Variants in GALNTL6 observed in about 807,000 individuals in gnomAD.
The protein encoded by GALNTL6 is polypeptide N-acetylgalactosaminyltransferase-like 6.
A neutral mutation model predicts 73.7 loss-of-function variants in GALNTL6; 46 were observed. The observed-to-expected ratio is 0.62, with a 90% CI of 0.49 to 0.80. The LOEUF (loss-of-function observed/expected upper bound fraction) is 0.80, where lower values mean the gene tolerates loss of function less well. Among genes scored for constraint, GALNTL6 ranks in the 30% least tolerant of loss-of-function variants. GALNTL6 has a pLI of 0.00. For synonymous variants in GALNTL6, 259 were observed against 263.7 expected, an observed-to-expected ratio of 0.98 and a Z score of 0.17; for missense variants, 604 against 755.0, an observed-to-expected ratio of 0.80 and a Z score of 2.34.
chr4:172,181,805 T>C (rs1735253807), intron 2 of GALNTL6, among the ~76,000 whole-genome samples: 1 of 147,650 alleles, frequency 6.8e-6, no homozygotes, highest in Non-Finnish European at 1.5e-5. Context: ...CAGCCTCCAC[T>C]CCTGGGTTCA....
rs141390052 is a variant in GALNTL6 at position 172,611,636 on chromosome 4, T to G, written c.554-197725T>G. 3.8e-3 allele frequency among the ~76,000 whole-genome samples: 577 copies of G among 152,130 alleles called. 4 individuals carry two copies. The highest frequency in any genetic ancestry group is 5.7e-3 in the Non-Finnish European group (390 of 67,964). ...TTCATGTTGACCTTGAGGAATCTGA[T>G]GACTATGTATCCTGAGGCTGGTCAT... is the stretch of plus-strand genomic sequence containing the variant. On this transcript the variant is annotated intron_variant, in intron 5 of 12. Transcript: ENST00000506823.
intron 2 of GALNTL6, among the ~76,000 whole-genome samples, chr4:171,909,064 C>G (rs1174831225): frequency 2.7e-5 from 4 of 149,934 alleles, no homozygotes; most frequent in African/African-American, 9.9e-5. Flanking sequence ...TTAGTGGGTG[C>G]AGCGCACCAG....
chr4:172,432,884 A>G (rs2111385866), intron 5 of GALNTL6, among the ~76,000 whole-genome samples: 1 of 152,302 alleles, frequency 6.6e-6, no homozygotes, highest in East Asian at 1.9e-4. Context: ...GGATAGCTTT[A>G]CAATACTATC....
rs749363826 is a variant in GALNTL6 at position 173,009,166 on chromosome 4, T to A, written c.1372-12T>A. The A allele has an allele frequency of 1.9e-6, 3 of 1,599,032 alleles. No homozygotes were observed. The highest frequency in any genetic ancestry group is 2.6e-6 in the Non-Finnish European group (3 of 1,166,188). ...ATAGCCCCACACTCAAAATTCTTTC[T>A]TCTTTCCACAGATCCGAAATGTGGC... On this transcript the variant is annotated splice_polypyrimidine_tract_variant and intron_variant, in intron 10 of 12. Transcript: ENST00000506823.
At chr4:171,879,715 A>C (rs930005972) in intron 2 of GALNTL6, among the ~76,000 whole-genome samples, 17 of 152,178 alleles carry the variant, frequency 1.1e-4, no homozygotes, top group African/African-American at 4.1e-4. Context: ...ATCTGTCTTA[A>C]AGTTTAGTTT....
At chr4:171,854,188 T>C (rs1229556765) in intron 2 of GALNTL6, among the ~76,000 whole-genome samples, 2 of 152,158 alleles carry the variant, frequency 1.3e-5, no homozygotes, top group African/African-American at 4.8e-5. Flanking sequence ...GCGGGCAGTG[T>C]TCATGTCCTT....
At chr4:172,191,509 TA>T (rs1338350123) in intron 2 of GALNTL6, among the ~76,000 whole-genome samples, 1 of 152,128 alleles carries the variant, frequency 6.6e-6, no homozygotes, top group African/African-American at 2.4e-5. Flanking sequence ...CAGCTACTCT[TA>T]AGGATCCTCA....
At chr4:172,979,962 G>A (rs146482852) in intron 10 of GALNTL6, among the ~76,000 whole-genome samples, 38 of 152,318 alleles carry the variant, frequency 2.5e-4, no homozygotes, top group African/African-American at 8.7e-4. Flanking sequence ...ATGCACCATC[G>A]TGGAAAAACA....
intron 5 of GALNTL6, among the ~76,000 whole-genome samples, chr4:172,519,196 A>ATT (rs1193221497): frequency 1.1e-4 from 16 of 150,636 alleles, no homozygotes; most frequent in Non-Finnish European, 1.6e-4. Flanking sequence ...ATAAATATAT[A>ATT]TTACTTTGTA....
intron 2 of GALNTL6, among the ~76,000 whole-genome samples, chr4:172,227,955 G>A (rs1301472077): frequency 6.6e-6 from 1 of 152,130 alleles, no homozygotes; most frequent in Non-Finnish European, 1.5e-5. Context: ...TGAAAGTTAT[G>A]TTTGTAAATT....
chr4:172,841,461 G>A (rs760547710), intron 7 of GALNTL6, among the ~76,000 whole-genome samples: 4 of 152,020 alleles, frequency 2.6e-5, no homozygotes, highest in South Asian at 2.1e-4. Flanking sequence ...GTGTAATCTC[G>A]TAACTACTGT....
At chr4:172,758,234 G>C (rs1737863264) in intron 5 of GALNTL6, among the ~76,000 whole-genome samples, 1 of 152,062 alleles carries the variant, frequency 6.6e-6, no homozygotes, top group Non-Finnish European at 1.5e-5. Flanking sequence ...ACAATTTTTT[G>C]TATAGTAATT....
chr4:172,210,978 A>C (rs971983184), intron 2 of GALNTL6, among the ~76,000 whole-genome samples: 2 of 152,092 alleles, frequency 1.3e-5, no homozygotes, highest in African/African-American at 4.8e-5. Flanking sequence ...ATGTTGTTCA[A>C]TAAGTTGTTG....
intron 2 of GALNTL6, among the ~76,000 whole-genome samples, chr4:171,826,799 T>A (rs1167177937): frequency 6.6e-6 from 1 of 151,500 alleles, no homozygotes; most frequent in African/African-American, 2.4e-5. Context: ...GAAAAGAGAG[T>A]AGAACAGGAA....
At chr4:172,135,947 CAGAG>C (rs1332941889) in intron 2 of GALNTL6, among the ~76,000 whole-genome samples, 1 of 152,030 alleles carries the variant, frequency 6.6e-6, no homozygotes, top group Non-Finnish European at 1.5e-5. Context: ...TTTTAAAAGA[CAGAG>C]ATACCAATTT....
intron 5 of GALNTL6, among the ~76,000 whole-genome samples, chr4:172,361,713 A>T (rs1158526133): frequency 1.3e-5 from 2 of 152,132 alleles, no homozygotes; most frequent in Admixed American, 6.6e-5. Context: ...ACATTGGTTG[A>T]AGAAGAGGCC....
intron 3 of GALNTL6, among the ~76,000 whole-genome samples, chr4:172,301,417 A>G (rs1480618579): frequency 6.6e-6 from 1 of 152,138 alleles, no homozygotes; most frequent in East Asian, 1.9e-4. Context: ...GTGAGGAGCT[A>G]TGTTCCTTTG....
At chr4:172,261,869 G>A (rs1474272582) in intron 3 of GALNTL6, among the ~76,000 whole-genome samples, 1 of 151,034 alleles carries the variant, frequency 6.6e-6, no homozygotes, top group African/African-American at 2.4e-5. Flanking sequence ...AAGATCATTC[G>A]AGAGCAGATT....
At chr4:172,653,726 A>T (rs961968536) in intron 5 of GALNTL6, among the ~76,000 whole-genome samples, 7 of 152,224 alleles carry the variant, frequency 4.6e-5, no homozygotes, top group Admixed American at 2.0e-4. Flanking sequence ...TGAATAAAAC[A>T]TATAGATAAT....
Sources: gnomAD v4.1 joint callset for allele counts (sites outside exome capture counted in the v4.1 genomes callset) on GRCh38, gnomAD v4.1.1 for gene constraint, MANE v1.5 for transcripts, NCBI Gene and HGNC (gene_info 2026-07-23, HGNC 2026-07-21) for gene names.